Variants in INPP5J observed in about 807,000 individuals in gnomAD.
INPP5J encodes the protein inositol polyphosphate-5-phosphatase J, also known as phosphatidylinositol 4,5-bisphosphate 5-phosphatase A.
Under a neutral mutation model 86.6 loss-of-function variants are expected in INPP5J, and 75 were observed. The ratio of observed to expected loss-of-function variants is 0.87; its 90% confidence interval spans 0.72 to 1.05. INPP5J has a LOEUF of 1.05. Among genes scored for constraint, INPP5J ranks in the 50% least tolerant of loss-of-function variants. The probability of loss-of-function intolerance (pLI) is 0.00; values close to 1 mark genes in which losing one functional copy is unlikely to be tolerated. For synonymous variants in INPP5J, 540 were observed against 550.0 expected, an observed-to-expected ratio of 0.98 and a Z score of 0.25; for missense variants, 1,229 against 1,341.2, an observed-to-expected ratio of 0.92 and a Z score of 1.31.
chr22:31,126,920 G>A lies in INPP5J; in HGVS notation c.1495-1G>A. ...CCCAGCCACGTGGCCTCCCGCTGCA[G>A]GTGAGTTCGGTGAGGATGCAGGGTG... On this transcript the variant is annotated splice_acceptor_variant, in intron 4 of 12. Coordinates refer to ENST00000331075, the MANE Select transcript of INPP5J (RefSeq NM_001284285.2). LOFTEE classifies it high-confidence loss of function. The A allele has an allele frequency of 6.2e-7, 1 of 1,604,940 alleles. No individual in the cohort carries two copies. Among genetic ancestry groups the A allele is most frequent in the Non-Finnish European group, 8.5e-7 (1 of 1,174,662 alleles).
At position 31,127,052 on chromosome 22, in the gene INPP5J, A is replaced by G. The variant is rs751344929; in HGVS notation, c.1611+15A>G. ...GCGGCTACTGGGTGAGCCTGTGAGC[A>G]GGCCCAGAAGAGGATGGGACATGAA... On this transcript the variant is annotated intron_variant, in intron 5 of 12. Coordinates refer to ENST00000331075, the MANE Select transcript of INPP5J (RefSeq NM_001284285.2). 2 of 1,537,816 alleles carry G rather than the reference A, an allele frequency of 1.3e-6. No individual in the cohort carries two copies. The highest frequency in any genetic ancestry group is 2.7e-5 in the African/African-American group (2 of 73,162).
Position 31,127,390 on chromosome 22 carries a change from G to A in INPP5J, c.1645G>A (p.Ala549Thr). 6.2e-7 allele frequency: 1 copy of A among 1,613,380 alleles called. No homozygotes were observed. Among genetic ancestry groups the A allele is most frequent in the Non-Finnish European group, 8.5e-7 (1 of 1,179,638 alleles). Residue 549 changes from alanine (A) to threonine (T), a missense_variant, in exon 6 of 13, where the codon GCC (alanine) becomes ACC (threonine). Transcript: ENST00000331075. ...NKGGVSVRLA[A>T]FGHMLCFLNC... ...GGGTGGCGTGAGCGTGCGCCTGGCG[G>A]CCTTCGGGCACATGCTCTGCTTCCT...
In INPP5J at chr22:31,125,328, G is replaced by T. The variant is rs1921268039; in HGVS notation, c.589G>T (p.Glu197Ter). 1 of 1,550,438 alleles carries T rather than the reference G, an allele frequency of 6.4e-7. No homozygotes were observed. The highest frequency in any genetic ancestry group is 2.4e-5 in the East Asian group (1 of 40,904). ...LALASEEQPP[E>*]LPSTPSPVPS... ...CCTGGCTTCTGAGGAGCAGCCCCCA[G>T]AACTCCCCTCCACCCCTTCCCCGGT... Residue 197 changes from glutamate (E) to a stop codon, truncating the protein, a stop_gained, in exon 2 of 13, where the codon GAA (glutamate) becomes TAA (stop). Transcript: ENST00000331075. LOFTEE classifies it high-confidence loss of function.
intron 1 of INPP5J, among the ~76,000 whole-genome samples, chr22:31,123,518 G>A (rs1166715463): frequency 1.3e-5 from 2 of 152,172 alleles, no homozygotes; most frequent in African/African-American, 4.8e-5. Flanking sequence ...GATAGTTGGG[G>A]GGAAGCCGGC....
intron 5 of INPP5J, 137 bp downstream of exon 5, chr22:31,127,174 C>G (rs1332239913): frequency 7.7e-6 from 6 of 784,184 alleles, no homozygotes; most frequent in Non-Finnish European, 1.2e-5. Context: ...ATGCACCACC[C>G]AATACCCCAT....
intron 1 of INPP5J, 142 bp from the exon 2 acceptor site, chr22:31,124,703 G>C: frequency 1.4e-6 from 1 of 721,108 alleles, no homozygotes; most frequent in Non-Finnish European, 2.3e-6. Context: ...CAGCAGAATA[G>C]ATTGAAGTGA....
In INPP5J at chr22:31,128,502, C is replaced by T. The variant is rs370718677; in HGVS notation, c.2041C>T (p.Arg681Cys). ...AKKRKPAWTD[R>C]ILWKVKAPGG... ...GAAACGGAAGCCAGCTTGGACAGAC[C>T]GTATCCTATGGAAGGTCAAGGCTCC... The change falls in exon 9 of 13, where the codon CGT (arginine) becomes TGT (cysteine). Residue 681 changes from arginine (R) to cysteine (C), a missense_variant. By Grantham distance (180) the Arg-to-Cys change is radical (BLOSUM62 -3). Transcript: ENST00000331075. 20 of 1,613,386 alleles carry T rather than the reference C, an allele frequency of 1.2e-5. No homozygotes were observed. Among genetic ancestry groups the T allele is most frequent in the African/African-American group, 9.3e-5 (7 of 74,904 alleles).
intron 2 of INPP5J, 118 bp downstream of exon 2, chr22:31,126,128 A>G (rs1602729538): frequency 1.8e-6 from 2 of 1,106,668 alleles, no homozygotes; most frequent in East Asian, 5.2e-5. Flanking sequence ...GTCTTTGGGG[A>G]GGGGGTTGCT....
chr22:31,123,510 T>C (rs1921059516), intron 1 of INPP5J, among the ~76,000 whole-genome samples: 1 of 151,862 alleles, frequency 6.6e-6, no homozygotes, highest in African/African-American at 2.4e-5. Context: ...GGCGGTGTGA[T>C]AGTTGGGGGG....
At chr22:31,124,358 G>C in intron 1 of INPP5J, 41 of 912,606 alleles carry the variant, frequency 4.5e-5, no homozygotes, top group South Asian at 1.5e-4. Flanking sequence ...GAAGGGAGAG[G>C]TATTTAACAA....
At position 31,129,244 on chromosome 22, in the gene INPP5J, T is replaced by TTTTTTTC. The variant is rs1238198673; in HGVS notation, c.2193+596_2193+597insCTTTTTT. Among the ~76,000 whole-genome samples, 1,270 of 138,560 alleles carry TTTTTTTC rather than the reference T, an allele frequency of 9.2e-3. 15 individuals carry two copies. Among genetic ancestry groups the TTTTTTTC allele is most frequent in the Non-Finnish European group, 0.015 (991 of 64,180 alleles). The allele number at this position is 138,560 out of a possible 152,430, so 90.9% of individuals were successfully genotyped here. A position where few individuals can be genotyped will look rare whatever the true frequency, so the allele number is the denominator to read the frequency against. The stretch of plus-strand genomic sequence containing the variant: ...CGTGTCTGGCCAACTTTTTTTTTTT[T>TTTTTTTC]TTTTTTTTTCTTTGAGACGGAGTCT... On this transcript the variant is annotated intron_variant, in intron 9 of 12. Transcript: ENST00000331075.
chr22:31,126,550 C>T (rs889099351), intron 3 of INPP5J, 61 bp downstream of exon 3: 2 of 1,599,074 alleles, frequency 1.3e-6, no homozygotes, highest in South Asian at 1.1e-5. Flanking sequence ...GGCCCTCCAC[C>T]CATGGCAGGG....
At position 31,125,651 on chromosome 22, in the gene INPP5J, G is replaced by C; in HGVS notation, c.912G>C (p.Leu304Phe). Residue 304 changes from leucine to phenylalanine, a missense_variant, in exon 2 of 13, where the codon TTG becomes TTC. Transcript: ENST00000331075. The part of the protein sequence containing the change: ...DPVLPRPPQT[L>F]PLDVGQGPSE... ...TTTTGCCACGGCCACCCCAGACCTT[G>C]CCCTTGGATGTGGGCCAGGGTCCTT... 6.4e-7 allele frequency: 1 copy of C among 1,550,442 alleles called. No individual in the cohort carries two copies. The highest frequency in any genetic ancestry group is 8.7e-7 in the Non-Finnish European group (1 of 1,146,972).
chr22:31,132,461 C>T (rs548317152), intron 9 of INPP5J, among the ~76,000 whole-genome samples: 3 of 152,170 alleles, frequency 2.0e-5, no homozygotes, highest in East Asian at 1.9e-4. Flanking sequence ...TGAGTTTGGC[C>T]GGGCACGGTG....
rs1426515886 is a variant in INPP5J at position 31,133,642 on chromosome 22, C to T, written c.2442C>T (p.Gly814=). Residue 814 remains glycine, a synonymous_variant, in exon 12 of 13, where the codon GGC becomes GGT. Coordinates refer to ENST00000331075, the MANE Select transcript of INPP5J (RefSeq NM_001284285.2). ...VTFSEESLPK[G]HGDFILGYYS... ...TCAGTGAGGAATCACTGCCCAAGGG[C>T]CATGGAGACTTCATCCTGGGCTACT... 6 of 1,612,830 alleles carry T rather than the reference C, an allele frequency of 3.7e-6. No homozygotes were observed. The highest frequency in any genetic ancestry group is 5.1e-6 in the Non-Finnish European group (6 of 1,179,388).
intron 9 of INPP5J, among the ~76,000 whole-genome samples, chr22:31,130,716 T>C (rs925514861): frequency 1.3e-5 from 2 of 152,138 alleles, no homozygotes; most frequent in African/African-American, 4.8e-5. Context: ...GAGTGTGTAG[T>C]GATGGGGAGG....
Position 31,128,374 on chromosome 22 carries a change from G to T in INPP5J, c.2009+51G>T, listed in dbSNP as rs374025696. On this transcript the variant is annotated intron_variant, in intron 8 of 12. Coordinates refer to ENST00000331075, the MANE Select transcript of INPP5J (RefSeq NM_001284285.2). Reference sequence around the variant, plus strand: ...AGGGGAAGTGGGCTGAGGTCTTCTCGAACAGGGAGACTTTGGGAAGAGGGG... The same window carrying T: ...AGGGGAAGTGGGCTGAGGTCTTCTCTAACAGGGAGACTTTGGGAAGAGGGG... The T allele has an allele frequency of 3.8e-6, 6 of 1,564,536 alleles. No homozygotes were observed. In the African/African-American group the frequency reaches 4.1e-5, roughly 11 times the overall value.
rs537031523 is a variant in INPP5J, at chr22:31,133,611, T to G, written c.2411T>G (p.Val804Gly). The G allele has an allele frequency of 6.0e-5, 97 of 1,609,796 alleles. No homozygotes were observed. In the South Asian group the frequency reaches 9.7e-4, roughly 16 times the overall value. Residue 804 changes from valine to glycine, a missense_variant and splice_region_variant, in exon 12 of 13, where the codon GTA (valine) becomes GGA (glycine). Val to Gly is a moderately radical substitution (Grantham distance 109, BLOSUM62 -3). Transcript: ENST00000331075. ...GGCTTATACCCCTGGGCCTACCAGG[T>G]AACATTCAGTGAGGAATCACTGCCC... ...HEDVDGNTYQ[V>G]TFSEESLPKG...
Position 31,125,968 on chromosome 22 carries a change from C to G in INPP5J, c.1229C>G (p.Pro410Arg). Residue 410 changes from proline (P) to arginine (R), a missense_variant, in exon 2 of 13, where the codon CCT becomes CGT. Pro to Arg is a moderately radical substitution (Grantham distance 103). Coordinates refer to ENST00000331075, the MANE Select transcript of INPP5J (RefSeq NM_001284285.2). Reference sequence around the variant, plus strand: ...TCTACATCCACCCTGTCATCCTCCCCTTGGTCAGCTCAGCCTACCTGGAAG... The same window carrying G: ...TCTACATCCACCCTGTCATCCTCCCGTTGGTCAGCTCAGCCTACCTGGAAG... ...SSSTSTLSSS[P>R]WSAQPTWKSD... 6.2e-7 allele frequency: 1 copy of G among 1,602,742 alleles called. No individual in the cohort carries two copies. Among genetic ancestry groups the G allele is most frequent in the African/African-American group, 1.3e-5 (1 of 74,882 alleles).
Sources: allele counts gnomAD v4.1 joint callset (sites outside exome capture counted in the v4.1 genomes callset), GRCh38; gene constraint gnomAD v4.1.1; transcripts MANE v1.5; gene names NCBI Gene and HGNC (gene_info 2026-07-23, HGNC 2026-07-21).